CPS1: variants seen among roughly 807,000 people sequenced by gnomAD.
CPS1 encodes the protein carbamoyl-phosphate synthase 1, also known as carbamoyl-phosphate synthase [ammonia], mitochondrial.
CPS1 carries 109 observed loss-of-function variants against 174.6 expected under a neutral mutation model. The ratio of observed to expected loss-of-function variants is 0.62; its 90% CI spans 0.53 to 0.73. The LOEUF (loss-of-function observed/expected upper bound fraction) is 0.73, where lower values mean the gene tolerates loss of function less well. Among genes scored for constraint, CPS1 ranks in the 30% least tolerant of loss-of-function variants. CPS1 has a pLI of 0.00. For synonymous variants in CPS1, 637 were observed against 632.0 expected, an observed-to-expected ratio of 1.01 and a Z score of -0.12; for missense variants, 1,689 against 1,821.9, an observed-to-expected ratio of 0.93 and a Z score of 1.33.
chr2:210,545,352 T>C (rs562736190), intron 1 of CPS1, among the ~76,000 whole-genome samples: 1 of 152,158 alleles, frequency 6.6e-6, no homozygotes, highest in African/African-American at 2.4e-5. Flanking sequence ...CTGGAGAAAT[T>C]TTATTATTCC....
intron 22 of CPS1, 150 bp from the exon 23 acceptor site, chr2:210,639,000 A>G (rs1700124317): frequency 1.5e-6 from 1 of 649,068 alleles, no homozygotes; most frequent in Non-Finnish European, 2.8e-6. Context: ...TCAGAATTAG[A>G]AAGCAATTCC....
intron 16 of CPS1, 142 bp from the exon 17 acceptor site, chr2:210,604,960 T>C: frequency 1.2e-6 from 1 of 804,970 alleles, no homozygotes; most frequent in Admixed American, 2.1e-5. Flanking sequence ...TGACACATTG[T>C]GCCTTCTGTG....
At chr2:210,664,342 C>T (rs1368353642) in intron 33 of CPS1, among the ~76,000 whole-genome samples, 1 of 147,800 alleles carries the variant, frequency 6.8e-6, no homozygotes. Context: ...TTCTTTCTTC[C>T]TTTTTTTTTT....
Position 210,566,212 on chromosome 2 carries a change from A to G in CPS1, c.127-7086A>G, listed in dbSNP as rs371811914. Among the ~76,000 whole-genome samples, 4 of 152,276 alleles carry G rather than the reference A, an allele frequency of 2.6e-5. No homozygotes were observed. In the East Asian group the frequency reaches 7.7e-4, roughly 29 times the overall value. The stretch of plus-strand genomic sequence containing the variant: ...TCACAGCAGGGCAGCAAGTTTTTCC[A>G]TTATTAATATGAATAATTATCTATG... On this transcript the variant is annotated intron_variant, in intron 1 of 37. Coordinates refer to ENST00000233072, the MANE Select transcript of CPS1 (RefSeq NM_001875.5).
intron 25 of CPS1, among the ~76,000 whole-genome samples, chr2:210,644,655 A>T (rs1319973377): frequency 1.3e-5 from 2 of 152,188 alleles, no homozygotes; most frequent in Non-Finnish European, 2.9e-5. Flanking sequence ...CTCACATGAC[A>T]TTCTTTCCAT....
At chr2:210,650,316 A>G (rs779414443) in intron 27 of CPS1, 47 bp from the exon 28 acceptor site, 5 of 1,450,290 alleles carry the variant, frequency 3.4e-6, no homozygotes, top group Admixed American at 3.4e-5. Flanking sequence ...AGTCAAGTCT[A>G]GTATTAGCAT....
chr2:210,587,910 C>G, intron 6 of CPS1, 148 bp from the exon 7 acceptor site: 1 of 783,466 alleles, frequency 1.3e-6, no homozygotes, highest in Admixed American at 1.8e-5. Context: ...TTCTTACAAA[C>G]TGTTTGTTAA....
At chr2:210,571,336 T>A (rs1434739373) in intron 1 of CPS1, among the ~76,000 whole-genome samples, 3 of 151,896 alleles carry the variant, frequency 2.0e-5, no homozygotes, top group Non-Finnish European at 4.4e-5. Context: ...TTTTGGCTAA[T>A]CTTGCCCAGG....
intron 20 of CPS1, among the ~76,000 whole-genome samples, chr2:210,614,885 G>T (rs11889880): frequency 4.0e-5 from 6 of 151,620 alleles, no homozygotes; most frequent in Non-Finnish European, 5.9e-5. Flanking sequence ...GGCCTGTCGG[G>T]GGGTGGGGAG....
chr2:210,590,737 C>A, intron 8 of CPS1, 63 bp from the exon 9 acceptor site: 3 of 1,267,596 alleles, frequency 2.4e-6, no homozygotes, highest in East Asian at 2.4e-5. Context: ...CATTTTTGTT[C>A]ATTCAGAAGC....
intron 1 of CPS1, among the ~76,000 whole-genome samples, chr2:210,510,144 A>AACCCAAACAGCATGGTACTGGT (rs1695421256): frequency 6.6e-6 from 1 of 152,224 alleles, no homozygotes; most frequent in Non-Finnish European, 1.5e-5. Context: ...AGGCAACAGT[A>AACCCAAACAGCATGGTACTGGT]ACCCAAACAG....
intron 27 of CPS1, among the ~76,000 whole-genome samples, chr2:210,649,006 G>A (rs1352200130): frequency 6.6e-6 from 1 of 152,196 alleles, no homozygotes; most frequent in South Asian, 2.1e-4. Context: ...CAGGAACAGT[G>A]AGGATCTTTT....
At chr2:210,625,207 T>C (rs966670038) in intron 21 of CPS1, among the ~76,000 whole-genome samples, 1 of 152,068 alleles carries the variant, frequency 6.6e-6, no homozygotes, top group Non-Finnish European at 1.5e-5. Flanking sequence ...TGTTCTTCTA[T>C]TCAGTCATTA....
At chr2:210,587,913 TTTG>T in intron 6 of CPS1, 142 bp from the exon 7 acceptor site, 1 of 792,026 alleles carries the variant, frequency 1.3e-6, no homozygotes, top group East Asian at 2.5e-5. Context: ...TTACAAACTG[TTTG>T]TTAACTGCCA....
Position 210,678,305 on chromosome 2 carries a change from A to G in CPS1, c.*320A>G, listed in dbSNP as rs1701598143. 1 of 390,280 alleles carries G rather than the reference A, an allele frequency of 2.6e-6. No individual in the cohort carries two copies. The highest frequency in any genetic ancestry group is 4.8e-6 in the Non-Finnish European group (1 of 208,182). The allele number at this position is 390,280 out of a possible 1,614,324, so 24.2% of individuals were successfully genotyped here. On this transcript the variant is annotated 3_prime_UTR_variant, in exon 38 of 38. Coordinates refer to ENST00000233072, the MANE Select transcript of CPS1 (RefSeq NM_001875.5). ...TGATTAATGGTGATCAAGGTAGGAA[A>G]AGTTGCTGTTCTATTTTCTGAACTC...
At chr2:210,577,242 C>T in intron 3 of CPS1, 179 bp from the exon 4 acceptor site, 1 of 622,526 alleles carries the variant, frequency 1.6e-6, no homozygotes, top group East Asian at 2.8e-5. Flanking sequence ...ATAATTAATG[C>T]AACAATTACA....
At chr2:210,635,181 G>C (rs1700006487) in intron 21 of CPS1, among the ~76,000 whole-genome samples, 1 of 152,108 alleles carries the variant, frequency 6.6e-6, no homozygotes, top group South Asian at 2.1e-4. Context: ...CTGACCTCGT[G>C]ATTCACCCTC....
chr2:210,528,484 G>T (rs925725585), intron 1 of CPS1, among the ~76,000 whole-genome samples: 1 of 151,768 alleles, frequency 6.6e-6, no homozygotes, highest in Admixed American at 6.6e-5. Context: ...ATTGGTTAAG[G>T]TTCTTCTGGT....
chr2:210,489,145 T>A (rs1694799541), intron 1 of CPS1, among the ~76,000 whole-genome samples: 2 of 152,170 alleles, frequency 1.3e-5, no homozygotes, highest in Non-Finnish European at 2.9e-5. Flanking sequence ...CTTTAAGGCC[T>A]GGATCAGTGC....
Sources: allele counts gnomAD v4.1 joint callset (sites outside exome capture counted in the v4.1 genomes callset), GRCh38; gene constraint gnomAD v4.1.1; transcripts MANE v1.5; gene names NCBI Gene and HGNC (gene_info 2026-07-23, HGNC 2026-07-21).